Variants in HS3ST5 observed in about 807,000 individuals in gnomAD.
The protein encoded by HS3ST5 is heparan sulfate glucosamine 3-O-sulfotransferase 5.
A neutral mutation model predicts 25.4 loss-of-function variants in HS3ST5; 10 were observed. The ratio of observed to expected loss-of-function variants is 0.39; its 90% CI spans 0.24 to 0.67. HS3ST5 has a LOEUF of 0.67. Among genes scored for constraint, HS3ST5 ranks in the 30% least tolerant of loss-of-function variants. The probability of loss-of-function intolerance (pLI) is 0.44; values close to 1 mark genes in which losing one functional copy is unlikely to be tolerated. For missense variants in HS3ST5, 324 were observed against 420.7 expected (o/e 0.77, Z 2.01); for synonymous variants, 170 against 162.4 (o/e 1.05, Z -0.36).
chr6:114,225,839 A>G (rs1771246352), intron 2 of HS3ST5, among the ~76,000 whole-genome samples: 1 of 151,868 alleles, frequency 6.6e-6, no homozygotes, highest in Non-Finnish European at 1.5e-5. Flanking sequence ...ACAAATGCAC[A>G]TTTAGTTTTC....
At chr6:114,138,834 G>T (rs1777763984) in intron 3 of HS3ST5, among the ~76,000 whole-genome samples, 1 of 152,140 alleles carries the variant, frequency 6.6e-6, no homozygotes, top group Non-Finnish European at 1.5e-5. Flanking sequence ...GTATTTCTTA[G>T]TTTTGGAGGC....
chr6:114,134,183 TAGC>T (rs1270838919), intron 3 of HS3ST5, among the ~76,000 whole-genome samples: 2 of 152,070 alleles, frequency 1.3e-5, no homozygotes, highest in African/African-American at 2.4e-5. Flanking sequence ...TGACAGCAAA[TAGC>T]AGCCTCCTAC....
intron 2 of HS3ST5, among the ~76,000 whole-genome samples, chr6:114,218,084 G>A (rs9374443): frequency 0.42 from 63,237 of 151,774 alleles, 14,353 homozygotes; most frequent in South Asian, 0.65. Flanking sequence ...CGCAACCTCC[G>A]CCTCCCAGGT....
intron 2 of HS3ST5, among the ~76,000 whole-genome samples, chr6:114,216,573 T>C (rs1219788716): frequency 2.0e-5 from 3 of 151,940 alleles, no homozygotes; most frequent in East Asian, 1.9e-4. Context: ...TGCTTTACTA[T>C]CTACAGGAAG....
chr6:114,295,464 C>A (rs1774776090), intron 1 of HS3ST5, among the ~76,000 whole-genome samples: 2 of 152,082 alleles, frequency 1.3e-5, no homozygotes, highest in Non-Finnish European at 2.9e-5. Context: ...CTTTAACTTG[C>A]CACATTTACA....
chr6:114,172,509 A>G (rs576786614), intron 2 of HS3ST5, among the ~76,000 whole-genome samples: 1 of 152,364 alleles, frequency 6.6e-6, no homozygotes, highest in East Asian at 1.9e-4. Flanking sequence ...ATTATAGCAG[A>G]GAAGACCCGT....
rs141401569 is a variant in HS3ST5, at chr6:114,172,007, C to A, written c.-144-3545G>T. Among the ~76,000 whole-genome samples the A allele has an allele frequency of 2.4e-4, 36 of 152,260 alleles. 1 individual carries two copies. In the East Asian group the frequency reaches 6.7e-3, roughly 29 times the overall value. On this transcript the variant is annotated intron_variant, in intron 2 of 4. Coordinates refer to ENST00000312719, the MANE Select transcript of HS3ST5 (RefSeq NM_153612.4). ...CCAGGGCTTTCTATTCTCCAACAAA[C>A]CTCTATGGTTGGGGAGATTTGTTCC...
chr6:114,316,205 A>C (rs1041599514), intron 1 of HS3ST5, among the ~76,000 whole-genome samples: 1 of 152,222 alleles, frequency 6.6e-6, no homozygotes, highest in African/African-American at 2.4e-5. Context: ...ACCTTTGTTC[A>C]AGACTGTAGA....
chr6:114,291,808 GC>G (rs1242593956), intron 1 of HS3ST5, among the ~76,000 whole-genome samples: 4 of 152,160 alleles, frequency 2.6e-5, no homozygotes, highest in Non-Finnish European at 5.9e-5. Flanking sequence ...AAGCTCTAGG[GC>G]CTTGAATTTG....
intron 3 of HS3ST5, among the ~76,000 whole-genome samples, chr6:114,160,139 A>C (rs1374767058): frequency 6.6e-6 from 1 of 152,174 alleles, no homozygotes; most frequent in Non-Finnish European, 1.5e-5. Context: ...TCAACTCCAC[A>C]TAGTTGTATG....
intron 2 of HS3ST5, among the ~76,000 whole-genome samples, chr6:114,187,046 T>C (rs115569513): frequency 2.2e-4 from 34 of 152,254 alleles, no homozygotes; most frequent in African/African-American, 7.7e-4. Flanking sequence ...AAAAAAAGAT[T>C]CCTTCCAAAA....
At chr6:114,178,582 C>T (rs1331520478) in intron 2 of HS3ST5, 10 of 152,176 alleles carry the variant, frequency 6.6e-5, no homozygotes, top group African/African-American at 2.4e-4. Context: ...GGCAGGGGCC[C>T]TCTCAGAAAT....
intron 1 of HS3ST5, among the ~76,000 whole-genome samples, chr6:114,329,504 T>C (rs1005579113): frequency 1.3e-5 from 2 of 152,152 alleles, no homozygotes; most frequent in African/African-American, 4.8e-5. Flanking sequence ...CCAAGGGGAA[T>C]AGACCTTTGC....
chr6:114,321,738 A>G (rs746557143), intron 1 of HS3ST5, among the ~76,000 whole-genome samples: 8 of 152,168 alleles, frequency 5.3e-5, no homozygotes, highest in Non-Finnish European at 8.8e-5. Flanking sequence ...CAAAATATGC[A>G]TGTCAATGTA....
chr6:114,060,394 G>A (rs1276606083), intron 4 of HS3ST5, among the ~76,000 whole-genome samples: 1 of 152,190 alleles, frequency 6.6e-6, no homozygotes, highest in Non-Finnish European at 1.5e-5. Flanking sequence ...TTGTTAATGA[G>A]ATTAATGTAC....
chr6:114,133,146 G>A (rs183705370), intron 3 of HS3ST5, among the ~76,000 whole-genome samples: 1 of 152,182 alleles, frequency 6.6e-6, no homozygotes, highest in East Asian at 1.9e-4. Context: ...TTCTTGCACA[G>A]ATCTCATCAT....
intron 3 of HS3ST5, among the ~76,000 whole-genome samples, chr6:114,116,675 A>G (rs1283879491): frequency 1.3e-5 from 2 of 151,498 alleles, no homozygotes; most frequent in Non-Finnish European, 2.9e-5. Context: ...TCCACTTCCC[A>G]CCTCCTTCCC....
intron 3 of HS3ST5, among the ~76,000 whole-genome samples, chr6:114,151,774 T>C (rs1778461057): frequency 6.6e-6 from 1 of 152,172 alleles, no homozygotes; most frequent in South Asian, 2.1e-4. Context: ...ATATCAACAC[T>C]TCACAAGCTA....
At chr6:114,152,447 A>G (rs566173727) in intron 3 of HS3ST5, among the ~76,000 whole-genome samples, 1 of 152,236 alleles carries the variant, frequency 6.6e-6, no homozygotes, top group East Asian at 1.9e-4. Context: ...GCTTTTGAGG[A>G]TATCATTTCC....
Sources: gnomAD v4.1 joint callset for allele counts (sites outside exome capture counted in the v4.1 genomes callset) on GRCh38, gnomAD v4.1.1 for gene constraint, MANE v1.5 for transcripts, NCBI Gene and HGNC (gene_info 2026-07-23, HGNC 2026-07-21) for gene names.